Variants in FCHSD2 observed in about 807,000 individuals in gnomAD.
FCHSD2 encodes F-BAR and double SH3 domains protein 2.
In FCHSD2, 38 loss-of-function variants were observed where a neutral mutation model predicts 108.1. The ratio of observed to expected loss-of-function variants is 0.35; its 90% CI spans 0.27 to 0.46. The LOEUF (loss-of-function observed/expected upper bound fraction) is 0.46. FCHSD2 is among the 20% of genes least tolerant of loss of function. The pLI, the probability that FCHSD2 is intolerant of heterozygous loss-of-function variation, is 1.00. For missense variants in FCHSD2, 751 were observed against 897.8 expected (o/e 0.84, Z 2.09); for synonymous variants, 279 against 314.7 (o/e 0.89, Z 1.20).
At chr11:72,897,628 C>A (rs1855450014) in intron 10 of FCHSD2, among the ~76,000 whole-genome samples, 2 of 152,142 alleles carry the variant, frequency 1.3e-5, no homozygotes. Flanking sequence ...GAAGCTGAAT[C>A]ACAAAAGTTA....
At chr11:72,954,409 T>C (rs1856675813) in intron 8 of FCHSD2, among the ~76,000 whole-genome samples, 1 of 151,754 alleles carries the variant, frequency 6.6e-6, no homozygotes, top group Non-Finnish European at 1.5e-5. Flanking sequence ...GGGTCTCACA[T>C]TGCCCAGGAT....
intron 9 of FCHSD2, among the ~76,000 whole-genome samples, chr11:72,907,172 C>A (rs1855647134): frequency 6.6e-6 from 1 of 152,134 alleles, no homozygotes; most frequent in Non-Finnish European, 1.5e-5. Flanking sequence ...GTGATTTTTG[C>A]ACATTAATTT....
chr11:73,078,231 T>C (rs1859601326), intron 3 of FCHSD2, among the ~76,000 whole-genome samples: 1 of 152,228 alleles, frequency 6.6e-6, no homozygotes, highest in Non-Finnish European at 1.5e-5. Flanking sequence ...GGAACTCTCA[T>C]ACATTGCTGG....
At chr11:73,131,605 G>A (rs1397839881) in intron 2 of FCHSD2, among the ~76,000 whole-genome samples, 1 of 151,810 alleles carries the variant, frequency 6.6e-6, no homozygotes, top group Non-Finnish European at 1.5e-5. Flanking sequence ...TCGGGAGGCT[G>A]AGGCACAAGG....
chr11:73,112,046 A>G (rs1226448181), intron 2 of FCHSD2, among the ~76,000 whole-genome samples: 1 of 152,226 alleles, frequency 6.6e-6, no homozygotes, highest in Non-Finnish European at 1.5e-5. Context: ...TTACAGTGTT[A>G]TAAAATTGTT....
rs1230298886 is a variant in FCHSD2 at position 72,887,518 on chromosome 11, C to T, written c.1098G>A (p.Glu366=). Residue 366 remains glutamate, a synonymous_variant, in exon 12 of 20, where the codon GAG becomes GAA. Transcript: ENST00000409418. ...TAGCTTCATCTATTTTCTGTTCTAG[C>T]TCTGCTCGGCTTTGTTCTGATACAG... ...GAAVSEQSRA[E]LEQKIDEARE... is the part of the protein sequence containing the mutation. 2 of 1,605,498 alleles carry T rather than the reference C, an allele frequency of 1.2e-6. No individual in the cohort carries two copies. The highest frequency in any genetic ancestry group is 1.1e-5 in the South Asian group (1 of 89,226).
intron 4 of FCHSD2, among the ~76,000 whole-genome samples, chr11:73,001,575 A>C (rs1026178584): frequency 2.0e-5 from 3 of 152,198 alleles, no homozygotes; most frequent in African/African-American, 7.2e-5. Context: ...AGAAGGTGGC[A>C]CTACTGAGAT....
chr11:73,108,585 G>A (rs771184238), intron 2 of FCHSD2, among the ~76,000 whole-genome samples: 4 of 151,954 alleles, frequency 2.6e-5, no homozygotes, highest in Non-Finnish European at 4.4e-5. Flanking sequence ...TTTTTGAGAC[G>A]GAGTCTCGCT....
At position 72,978,292 on chromosome 11, in the gene FCHSD2, C is replaced by T. The variant is rs192439617; in HGVS notation, c.705+5796G>A. 7.8e-4 allele frequency among the ~76,000 whole-genome samples: 118 copies of T among 150,646 alleles called. 1 individual carries two copies. The East Asian group carries it at 0.014, about 18-fold the overall frequency. ...ACCTGCACATTGTGCACATGTACCC[C>T]AGAACTTAAAGTATAATAAAAAAAG... is the stretch of plus-strand genomic sequence containing the variant. On this transcript the variant is annotated intron_variant, in intron 8 of 19. Transcript: ENST00000409418.
intron 9 of FCHSD2, among the ~76,000 whole-genome samples, chr11:72,903,153 T>G (rs1055607095): frequency 6.6e-6 from 1 of 152,222 alleles, no homozygotes; most frequent in Non-Finnish European, 1.5e-5. Flanking sequence ...ATTACCATCT[T>G]ACAGCATACC....
chr11:73,138,526 A>T (rs1444455417), intron 2 of FCHSD2, among the ~76,000 whole-genome samples: 1 of 151,074 alleles, frequency 6.6e-6, no homozygotes, highest in Non-Finnish European at 1.5e-5. Flanking sequence ...TCATCTAGAT[A>T]TTTCTTAGTT....
chr11:72,950,648 T>C (rs1856604396), intron 8 of FCHSD2, among the ~76,000 whole-genome samples: 2 of 152,158 alleles, frequency 1.3e-5, no homozygotes, highest in South Asian at 2.1e-4. Flanking sequence ...GTATGATTAG[T>C]AGTCTTTTGT....
chr11:72,921,726 TG>T, intron 9 of FCHSD2, 101 bp downstream of exon 9: 1 of 889,576 alleles, frequency 1.1e-6, no homozygotes, highest in South Asian at 1.7e-5. Context: ...TGTTCGTTAA[TG>T]CATTCTTCTA....
intron 10 of FCHSD2, among the ~76,000 whole-genome samples, chr11:72,894,006 A>C (rs1410254219): frequency 6.6e-6 from 1 of 152,194 alleles, no homozygotes; most frequent in Non-Finnish European, 1.5e-5. Flanking sequence ...AGCGATAGAA[A>C]AGCTGACTTC....
At chr11:72,964,642 T>C (rs1856871262) in intron 8 of FCHSD2, among the ~76,000 whole-genome samples, 1 of 152,196 alleles carries the variant, frequency 6.6e-6, no homozygotes, top group South Asian at 2.1e-4. Flanking sequence ...TCTTCTGCGT[T>C]AACTTCCGAA....
At chr11:72,982,997 A>G (rs1281424281) in intron 8 of FCHSD2, among the ~76,000 whole-genome samples, 2 of 152,064 alleles carry the variant, frequency 1.3e-5, no homozygotes, top group African/African-American at 4.8e-5. Flanking sequence ...TCTTGTTTCT[A>G]AAAATAAAAG....
At chr11:73,064,162 T>G (rs984471338) in intron 3 of FCHSD2, among the ~76,000 whole-genome samples, 3 of 152,144 alleles carry the variant, frequency 2.0e-5, no homozygotes, top group African/African-American at 7.2e-5. Context: ...ACATGGAAAT[T>G]GAACAACCTG....
chr11:72,875,285 G>A (rs1224201598), intron 12 of FCHSD2, among the ~76,000 whole-genome samples: 1 of 152,072 alleles, frequency 6.6e-6, no homozygotes, highest in Non-Finnish European at 1.5e-5. Flanking sequence ...ATAGGTACTA[G>A]GAACTATATC....
At chr11:73,029,984 G>A (rs1223884191) in intron 3 of FCHSD2, among the ~76,000 whole-genome samples, 1 of 152,086 alleles carries the variant, frequency 6.6e-6, no homozygotes, top group Non-Finnish European at 1.5e-5. Context: ...CTGATGTCCA[G>A]AGTCACCACC....
Sources: gnomAD v4.1 joint callset for allele counts (sites outside exome capture counted in the v4.1 genomes callset) on GRCh38, gnomAD v4.1.1 for gene constraint, MANE v1.5 for transcripts, NCBI Gene and HGNC (gene_info 2026-07-23, HGNC 2026-07-21) for gene names.